PECR: variants seen among roughly 807,000 people sequenced by gnomAD.
The protein encoded by PECR is peroxisomal trans-2-enoyl-CoA reductase.
A neutral mutation model predicts 35.3 loss-of-function variants in PECR; 30 were observed. The observed-to-expected ratio is 0.85, with a 90% CI of 0.64 to 1.15. The LOEUF (loss-of-function observed/expected upper bound fraction) is 1.15. Ranked by LOEUF, PECR falls within the 50% of genes most tolerant of loss-of-function variation. The pLI, the probability that PECR is intolerant of heterozygous loss-of-function variation, is 0.00. For synonymous variants in PECR, 148 were observed against 138.9 expected, an observed-to-expected ratio of 1.07 and a Z score of -0.46; for missense variants, 392 against 370.8, an observed-to-expected ratio of 1.06 and a Z score of -0.47.
At chr2:216,048,090 T>C (rs1456047860) in intron 6 of PECR, among the ~76,000 whole-genome samples, 2 of 151,802 alleles carry the variant, frequency 1.3e-5, no homozygotes, top group African/African-American at 2.4e-5. Context: ...TATTTTATTT[T>C]TTGAGATAGA....
At chr2:216,054,367 CTTTCT>C (rs1253531926) in intron 4 of PECR, among the ~76,000 whole-genome samples, 10 of 124,730 alleles carry the variant, frequency 8.0e-5, no homozygotes, top group East Asian at 7.1e-4. Context: ...GTTCTTTTTT[CTTTCT>C]TTTTTTTTTT....
intron 7 of PECR, among the ~76,000 whole-genome samples, chr2:216,041,040 C>T (rs1694877517): frequency 1.3e-5 from 2 of 152,128 alleles, no homozygotes; most frequent in South Asian, 2.1e-4. Flanking sequence ...CCATCTTAGG[C>T]ATTCTCACCT....
chr2:216,077,271 C>CCAAGGCAGGCGGAGCA (rs1331900485), intron 1 of PECR, among the ~76,000 whole-genome samples: 1 of 151,862 alleles, frequency 6.6e-6, no homozygotes, highest in Non-Finnish European at 1.5e-5. Flanking sequence ...CTTTGGGAGG[C>CCAAGGCAGGCGGAGCA]CAAGGCAGGC....
chr2:216,046,173 A>C (rs1352560880), intron 6 of PECR, among the ~76,000 whole-genome samples: 1 of 150,552 alleles, frequency 6.6e-6, no homozygotes, highest in Non-Finnish European at 1.5e-5. Flanking sequence ...ATTTATGTTA[A>C]CATGTACTCC....
chr2:216,065,996 C>T (rs978353175), intron 2 of PECR, among the ~76,000 whole-genome samples: 2 of 152,160 alleles, frequency 1.3e-5, no homozygotes, highest in African/African-American at 4.8e-5. Flanking sequence ...TGGTGGCATG[C>T]ACCTATAGTC....
At chr2:216,049,465 C>G in intron 5 of PECR, 92 bp from the exon 6 acceptor site, 1 of 646,218 alleles carries the variant, frequency 1.5e-6, no homozygotes, top group Non-Finnish European at 2.8e-6. Context: ...GCATTTCAAA[C>G]ATTAAGTAGC....
At chr2:216,052,723 C>T (rs913241500) in intron 4 of PECR, among the ~76,000 whole-genome samples, 4 of 152,166 alleles carry the variant, frequency 2.6e-5, no homozygotes, top group East Asian at 1.9e-4. Flanking sequence ...TGAGCTTCTT[C>T]GATCTATAGG....
At chr2:216,079,376 T>TC (rs1467092880) in intron 1 of PECR, among the ~76,000 whole-genome samples, 1 of 151,706 alleles carries the variant, frequency 6.6e-6, no homozygotes, top group Non-Finnish European at 1.5e-5. Context: ...TAATACTTTT[T>TC]TTTTTTTTTG....
intron 3 of PECR, among the ~76,000 whole-genome samples, chr2:216,061,574 T>G (rs1164449195): frequency 6.6e-6 from 1 of 152,032 alleles, no homozygotes; most frequent in Non-Finnish European, 1.5e-5. Context: ...ATATACCATA[T>G]ATGAAGGGGT....
At position 216,065,513 on chromosome 2, in the gene PECR, G is replaced by A. The variant is rs373847896; in HGVS notation, c.259-36C>T. ...ACAGTAGAAGTTACTAAAAGGAAAA[G>A]TTTAATAGCCTAACTTGCTACCTCG... is the stretch of plus-strand genomic sequence containing the variant. On this transcript the variant is annotated intron_variant, in intron 2 of 7. Transcript: ENST00000265322. 3.8e-6 allele frequency: 5 copies of A among 1,316,984 alleles called. No individual in the cohort carries two copies. In the African/African-American group the frequency reaches 4.3e-5, roughly 11 times the overall value. 81.6% of individuals were successfully genotyped at this position (1,316,984 alleles called of 1,614,324 possible).
chr2:216,078,563 G>A (rs1695760131), intron 1 of PECR, among the ~76,000 whole-genome samples: 1 of 150,710 alleles, frequency 6.6e-6, no homozygotes, highest in African/African-American at 2.4e-5. Context: ...ACTCCAGCCT[G>A]GGCGACAGAG....
rs543941936 is a variant in PECR at position 216,055,480 on chromosome 2, A to T, written c.506+3415T>A. On this transcript the variant is annotated intron_variant, in intron 4 of 7. Transcript: ENST00000265322. ...AAACAAAAAAACAAACAAACAAAAA[A>T]AAACACTTGTAATAGGACTAAACCT... Among the ~76,000 whole-genome samples the T allele has an allele frequency of 6.6e-5, 10 of 152,192 alleles. No homozygotes were observed. In the South Asian group the frequency reaches 1.2e-3, roughly 19 times the overall value.
rs777029720 is a variant in PECR, at chr2:216,065,412, T to C, written c.324A>G (p.Gly108=). ...CAGCAGGGGAAAGAAACTGGCCTCC[T>C]CCATTGTTCACCAAGAAATTGATCT... ...FGKINFLVNN[G]GGQFLSPAEH... Residue 108 remains glycine (G), a synonymous_variant, in exon 3 of 8, where the codon GGA becomes GGG. Coordinates refer to ENST00000265322, the MANE Select transcript of PECR (RefSeq NM_018441.6). The C allele has an allele frequency of 1.2e-6, 2 of 1,607,844 alleles. No homozygotes were observed. The highest frequency in any genetic ancestry group is 1.7e-6 in the Non-Finnish European group (2 of 1,174,220).
intron 7 of PECR, among the ~76,000 whole-genome samples, chr2:216,031,520 G>GAAGA (rs71047963): frequency 0.33 from 45,149 of 138,238 alleles, 7,533 homozygotes; most frequent in Admixed American, 0.42. Flanking sequence ...AGGAAGGAAG[G>GAAGA]GAAAAGAAAA....
In PECR at chr2:216,081,598, C is replaced by T; in HGVS notation, c.124+20G>A. On this transcript the variant is annotated intron_variant, in intron 1 of 7. Coordinates refer to ENST00000265322, the MANE Select transcript of PECR (RefSeq NM_018441.6). ...AGGTCACCACAGCCACCTCTCTGCACCAGCGGCCCGCTCACGTACCCAGCT... is the reference window on the plus strand; with the variant it reads ...AGGTCACCACAGCCACCTCTCTGCATCAGCGGCCCGCTCACGTACCCAGCT... The T allele has an allele frequency of 6.2e-7, 1 of 1,613,792 alleles. No individual in the cohort carries two copies. Among genetic ancestry groups the T allele is most frequent in the Non-Finnish European group, 8.5e-7 (1 of 1,179,944 alleles).
Position 216,043,987 on chromosome 2 carries a change from G to T in PECR, c.743C>A (p.Ser248Tyr). ...TCCAGTGATGAAGGAAGCTGCAGGAGACAGTAGGAAGCAGACCACAGAGGA... is the reference window on the plus strand; with the variant it reads ...TCCAGTGATGAAGGAAGCTGCAGGATACAGTAGGAAGCAGACCACAGAGGA... ...EVSSVVCFLL[S>Y]PAASFITGQS... The change falls in exon 7 of 8, where the codon TCT (serine) becomes TAT (tyrosine). Residue 248 changes from serine (S) to tyrosine (Y), a missense_variant. Transcript: ENST00000265322. 2 of 1,611,644 alleles carry T rather than the reference G, an allele frequency of 1.2e-6. No individual in the cohort carries two copies. Among genetic ancestry groups the T allele is most frequent in the South Asian group, 2.2e-5 (2 of 91,026 alleles).
At chr2:216,068,794 T>C (rs1695524324) in intron 1 of PECR, among the ~76,000 whole-genome samples, 1 of 139,606 alleles carries the variant, frequency 7.2e-6, no homozygotes, top group Non-Finnish European at 1.5e-5. Flanking sequence ...TACACCACCA[T>C]ATCTGGCCAA....
At chr2:216,032,663 C>T (rs964107363) in intron 7 of PECR, 8 of 152,266 alleles carry the variant, frequency 5.3e-5, no homozygotes, top group African/African-American at 1.9e-4. Context: ...ACAGGAGGCT[C>T]AGTGCAAACT....
intron 4 of PECR, among the ~76,000 whole-genome samples, chr2:216,056,946 A>C (rs1430937227): frequency 5.3e-5 from 8 of 152,062 alleles, no homozygotes; most frequent in African/African-American, 1.9e-4. Context: ...TATCTGAAAC[A>C]CTTCTTTTCC....
Sources: allele counts gnomAD v4.1 joint callset (sites outside exome capture counted in the v4.1 genomes callset), GRCh38; gene constraint gnomAD v4.1.1; transcripts MANE v1.5; gene names NCBI Gene and HGNC (gene_info 2026-07-23, HGNC 2026-07-21).